SESN3: variants seen among roughly 807,000 people sequenced by gnomAD.
The protein encoded by SESN3 is sestrin-3.
Under a neutral mutation model 55.3 loss-of-function variants are expected in SESN3, and 21 were observed. The observed-to-expected ratio is 0.38, with a 90% CI of 0.27 to 0.55. The LOEUF (loss-of-function observed/expected upper bound fraction) is 0.55, where lower values mean the gene tolerates loss of function less well. Ranked by LOEUF, SESN3 falls within the 20% of genes least tolerant of loss-of-function variation. The pLI is 0.76. For missense variants in SESN3, 408 were observed against 604.3 expected (o/e 0.68, Z 3.41); for synonymous variants, 181 against 203.1 (o/e 0.89, Z 0.93).
At chr11:95,196,055 G>T (rs1591060117) in intron 1 of SESN3, among the ~76,000 whole-genome samples, 1 of 152,180 alleles carries the variant, frequency 6.6e-6, no homozygotes, top group East Asian at 1.9e-4. Context: ...AAGCTCTGGT[G>T]ATAGTCCAGG....
intron 5 of SESN3, 75 bp from the exon 6 acceptor site, chr11:95,184,669 T>C (rs879037350): frequency 7.3e-7 from 1 of 1,374,424 alleles, no homozygotes; most frequent in African/African-American, 1.4e-5. Context: ...TCTCCAAATG[T>C]CACCTTACTA....
At chr11:95,187,909 C>A (rs1264332552) in intron 4 of SESN3, among the ~76,000 whole-genome samples, 3 of 151,574 alleles carry the variant, frequency 2.0e-5, no homozygotes, top group African/African-American at 7.3e-5. Context: ...ACTCTCTTGT[C>A]CCACCCACTT....
Position 95,166,522 on chromosome 11 carries a change from A to G in SESN3, c.*6733T>C, listed in dbSNP as rs1473642019. 1 of 152,250 alleles carries G rather than the reference A, an allele frequency of 6.6e-6. No individual in the cohort carries two copies. The highest frequency in any genetic ancestry group is 1.5e-5 in the Non-Finnish European group (1 of 68,036). 9.4% of individuals were successfully genotyped at this position (152,250 alleles called of 1,614,324 possible). A position where few individuals can be genotyped will look rare whatever the true frequency, so the allele number is the denominator to read the frequency against. On this transcript the variant is annotated 3_prime_UTR_variant, in exon 10 of 10. Coordinates refer to ENST00000536441, the MANE Select transcript of SESN3 (RefSeq NM_144665.4). ...TGCAATTCAGCTACAGTCTTAATAT[A>G]TACATTCATTATGTAGCTGTCCTGC...
At position 95,230,632 on chromosome 11, in the gene SESN3, TC is replaced by T; in HGVS notation, c.78+150del. ...CGCAGTAGTCCAAACCCTCCTGCCC[TC>T]AACCCACGCCCCCTTTCTCAGTCCC... On this transcript the variant is annotated intron_variant, in intron 1 of 9. Transcript: ENST00000536441. The surrounding 1 kb of genome is among the most constrained non-coding windows in gnomAD (Gnocchi z 4.6). 1 of 602,350 alleles carries T rather than the reference TC, an allele frequency of 1.7e-6. No individual in the cohort carries two copies. The highest frequency in any genetic ancestry group is 2.9e-6 in the Non-Finnish European group (1 of 349,546). The allele number at this position is 602,350 out of a possible 1,614,324, so 37.3% of individuals were successfully genotyped here. A position where few individuals can be genotyped will look rare whatever the true frequency, so the allele number is the denominator to read the frequency against.
intron 1 of SESN3, among the ~76,000 whole-genome samples, chr11:95,208,949 C>A (rs993887818): frequency 7.9e-5 from 12 of 151,470 alleles, no homozygotes; most frequent in Non-Finnish European, 1.8e-4. Flanking sequence ...AAACATAAGA[C>A]CTAAAACCAT....
chr11:95,179,857 G>A (rs1256941933), intron 6 of SESN3, among the ~76,000 whole-genome samples: 2 of 152,114 alleles, frequency 1.3e-5, no homozygotes, highest in African/African-American at 4.8e-5. Context: ...TGGCATTCAG[G>A]AAGATAGCAA....
chr11:95,171,230 C>T lies in SESN3; in HGVS notation c.*2025G>A, dbSNP rs1031637530. ...TTGCCATTTGTGTTTTGCCATTCTC[C>T]TAAATATTTTCTTTGTATTACATAT... On this transcript the variant is annotated 3_prime_UTR_variant, in exon 10 of 10. Transcript: ENST00000536441. 1 of 152,060 alleles carries T rather than the reference C, an allele frequency of 6.6e-6. No individual in the cohort carries two copies. Among genetic ancestry groups the T allele is most frequent in the Admixed American group, 6.5e-5 (1 of 15,270 alleles). 9.4% of individuals were successfully genotyped at this position (152,060 alleles called of 1,614,324 possible). A position where few individuals can be genotyped will look rare whatever the true frequency, so the allele number is the denominator to read the frequency against.
chr11:95,183,537 A>C (rs1012395088), intron 6 of SESN3, among the ~76,000 whole-genome samples: 2 of 151,948 alleles, frequency 1.3e-5, no homozygotes, highest in Non-Finnish European at 2.9e-5. Context: ...ACAGAACTCT[A>C]TTTTTAAAAA....
intron 1 of SESN3, among the ~76,000 whole-genome samples, chr11:95,198,274 A>G (rs994578643): frequency 6.6e-6 from 1 of 152,086 alleles, no homozygotes; most frequent in Non-Finnish European, 1.5e-5. Context: ...AAGATACCGC[A>G]TAAAAATGTA....
rs1859842720 is a variant in SESN3 at position 95,171,160 on chromosome 11, C to T, written c.*2095G>A. The T allele has an allele frequency of 6.6e-6, 1 of 152,138 alleles. No individual in the cohort carries two copies. The highest frequency in any genetic ancestry group is 2.4e-5 in the African/African-American group (1 of 41,438). The allele number at this position is 152,138 out of a possible 1,614,324, so 9.4% of individuals were successfully genotyped here. ...CAAATTCAAGAATAAATGACATCCT[C>T]AACTTGAAAGTTGTGAAGTTAGGTA... On this transcript the variant is annotated 3_prime_UTR_variant, in exon 10 of 10. Transcript: ENST00000536441.
At chr11:95,219,826 T>A (rs185937630) in intron 1 of SESN3, among the ~76,000 whole-genome samples, 3 of 152,212 alleles carry the variant, frequency 2.0e-5, no homozygotes, top group Admixed American at 2.0e-4. Context: ...CAGTCTCTAG[T>A]GAAGCGGTTA....
At chr11:95,201,438 G>A (rs1860459463) in intron 1 of SESN3, 1 of 152,076 alleles carries the variant, frequency 6.6e-6, no homozygotes, top group East Asian at 1.9e-4. Context: ...AATTTGCAGT[G>A]CAGTATAACT....
At chr11:95,196,542 A>C (rs911840135) in intron 1 of SESN3, among the ~76,000 whole-genome samples, 8 of 152,110 alleles carry the variant, frequency 5.3e-5, no homozygotes, top group Non-Finnish European at 1.2e-4. Context: ...CAAATCCCAA[A>C]TGTCCAAGGA....
At chr11:95,178,555 T>C (rs532823247) in intron 7 of SESN3, among the ~76,000 whole-genome samples, 155 bp downstream of exon 7, 1 of 152,348 alleles carries the variant, frequency 6.6e-6, no homozygotes, top group Non-Finnish European at 1.5e-5. Context: ...TATCCATCTA[T>C]TGGGAACTCC....
Position 95,230,490 on chromosome 11 carries a change from A to C in SESN3, c.78+293T>G. On this transcript the variant is annotated intron_variant, in intron 1 of 9. Transcript: ENST00000536441. The surrounding 1 kb of genome is among the most constrained non-coding windows in gnomAD (Gnocchi z 4.6). Reference sequence around the variant, plus strand: ...TCCGCCCAAGGAGCCGACCCGGGGTAGCAAGGTAGGGAAATGAGCCGTAAA... The same window carrying C: ...TCCGCCCAAGGAGCCGACCCGGGGTCGCAAGGTAGGGAAATGAGCCGTAAA... The C allele has an allele frequency of 5.8e-6, 2 of 346,398 alleles. No homozygotes were observed. The highest frequency in any genetic ancestry group is 2.2e-5 in the African/African-American group (1 of 44,886). 21.5% of individuals were successfully genotyped at this position (346,398 alleles called of 1,614,324 possible).
At chr11:95,173,946 T>A (rs1169035777) in intron 9 of SESN3, among the ~76,000 whole-genome samples, 1 of 152,140 alleles carries the variant, frequency 6.6e-6, no homozygotes, top group Admixed American at 6.5e-5. Context: ...TATAAAAATA[T>A]GTTTTAATAT....
intron 1 of SESN3, among the ~76,000 whole-genome samples, chr11:95,209,265 C>G (rs1860605586): frequency 6.6e-6 from 1 of 151,330 alleles, no homozygotes; most frequent in Admixed American, 6.6e-5. Flanking sequence ...AGGATATGAA[C>G]AGACACTTCT....
At chr11:95,197,206 G>T (rs1023879586) in intron 1 of SESN3, among the ~76,000 whole-genome samples, 2 of 152,096 alleles carry the variant, frequency 1.3e-5, no homozygotes, top group African/African-American at 4.8e-5. Flanking sequence ...TACAGAGGAG[G>T]TCTAGGACTT....
At chr11:95,215,793 T>A (rs574471463) in intron 1 of SESN3, among the ~76,000 whole-genome samples, 1 of 152,304 alleles carries the variant, frequency 6.6e-6, no homozygotes, top group Admixed American at 6.5e-5. Context: ...TCCACTGATT[T>A]ATGTCTTCAT....
Sources: allele counts gnomAD v4.1 joint callset (sites outside exome capture counted in the v4.1 genomes callset), GRCh38; gene constraint gnomAD v4.1.1; non-coding constraint Gnocchi (gnomAD v3.1); transcripts MANE v1.5; gene names NCBI Gene and HGNC (gene_info 2026-07-23, HGNC 2026-07-21).